SPATS2L: variants seen among roughly 807,000 people sequenced by gnomAD.
SPATS2L encodes SPATS2-like protein.
Under a neutral mutation model 59.6 loss-of-function variants are expected in SPATS2L, and 30 were observed. The ratio of observed to expected loss-of-function variants is 0.50; its 90% confidence interval spans 0.38 to 0.68. The LOEUF is 0.68. SPATS2L is among the 30% of genes least tolerant of loss of function. The pLI is 0.00. For synonymous variants in SPATS2L, 252 were observed against 263.5 expected, an observed-to-expected ratio of 0.96 and a Z score of 0.42; for missense variants, 615 against 700.0, an observed-to-expected ratio of 0.88 and a Z score of 1.37.
intron 1 of SPATS2L, among the ~76,000 whole-genome samples, chr2:200,326,557 GTA>G (rs754890804): frequency 1.3e-5 from 2 of 152,112 alleles, no homozygotes; most frequent in Non-Finnish European, 2.9e-5. Context: ...GTTTATGCAT[GTA>G]TTCCAACAAT....
At chr2:200,310,902 A>C (rs1452456700) in intron 1 of SPATS2L, among the ~76,000 whole-genome samples, 1 of 151,898 alleles carries the variant, frequency 6.6e-6, no homozygotes, top group Non-Finnish European at 1.5e-5. Context: ...TGATCATGTT[A>C]CTCTCATTGG....
At position 200,411,933 on chromosome 2, in the gene SPATS2L, A is replaced by G. The variant is rs527488624; in HGVS notation, c.40-378A>G. Among the ~76,000 whole-genome samples the G allele has an allele frequency of 3.9e-5, 6 of 152,040 alleles. No homozygotes were observed. In the South Asian group the frequency reaches 1.2e-3, roughly 32 times the overall value. ...CTATTTCTGTACATTTTCTAAAGAT[A>G]CCCCCTGAGCCAGTGGAAAGGAAGC... is the stretch of plus-strand genomic sequence containing the variant. On this transcript the variant is annotated intron_variant, in intron 3 of 12. Transcript: ENST00000409140.
intron 1 of SPATS2L, among the ~76,000 whole-genome samples, chr2:200,323,173 G>A (rs1473964442): frequency 6.6e-6 from 1 of 152,150 alleles, no homozygotes; most frequent in Admixed American, 6.5e-5. Flanking sequence ...GGATCTGCAG[G>A]TTGGATTTAC....
chr2:200,348,582 G>A (rs1385073072), intron 2 of SPATS2L, among the ~76,000 whole-genome samples: 2 of 152,182 alleles, frequency 1.3e-5, no homozygotes, highest in Non-Finnish European at 2.9e-5. Flanking sequence ...GGGCTAGGTG[G>A]AGGTGAGGCA....
intron 2 of SPATS2L, among the ~76,000 whole-genome samples, chr2:200,345,720 A>G (rs2080490549): frequency 6.6e-6 from 1 of 152,228 alleles, no homozygotes; most frequent in African/African-American, 2.4e-5. Context: ...AGTACACTCA[A>G]GCTAACCTAC....
At position 200,459,923 on chromosome 2, in the gene SPATS2L, C is replaced by A. The variant is rs1574660023; in HGVS notation, c.847+96C>A. ...AATGATACCGGCTTCTGAACAGGGT[C>A]CTAAAATTTATATTGAAATTTTGGC... On this transcript the variant is annotated intron_variant, in intron 9 of 12. Coordinates refer to ENST00000409140, the MANE Select transcript of SPATS2L (RefSeq NM_001100423.2). The A allele has an allele frequency of 3.3e-6, 3 of 922,406 alleles. No homozygotes were observed. In the East Asian group the frequency reaches 8.0e-5, roughly 24 times the overall value. 57.1% of individuals were successfully genotyped at this position (922,406 alleles called of 1,614,324 possible).
intron 1 of SPATS2L, among the ~76,000 whole-genome samples, chr2:200,311,204 T>C (rs1003985686): frequency 6.6e-6 from 1 of 152,206 alleles, no homozygotes; most frequent in Admixed American, 6.5e-5. Flanking sequence ...TCAATAAATA[T>C]TTGTTAACTT....
Position 200,439,240 on chromosome 2 carries a change from C to G in SPATS2L, c.564C>G (p.Ser188Arg). 1 of 1,613,722 alleles carries G rather than the reference C, an allele frequency of 6.2e-7. No individual in the cohort carries two copies. The highest frequency in any genetic ancestry group is 1.1e-5 in the South Asian group (1 of 91,078). Residue 188 changes from serine to arginine, a missense_variant, in exon 7 of 13, where the codon AGC becomes AGG. Around this residue, in one of 3 missense-constraint regions of SPATS2L, gnomAD observed 227 missense variants for 257.4 expected, o/e 0.88. Transcript: ENST00000409140. Reference protein sequence around the residue: ...QWSAEQPCNPSKPKAKTSPVK... With the variant: ...QWSAEQPCNPRKPKAKTSPVK... ...CAGCTGAGCAGCCTTGTAACCCAAGCAAGCCTAAGGCAAAAACATCTCCTG... is the reference window on the plus strand; with the variant it reads ...CAGCTGAGCAGCCTTGTAACCCAAGGAAGCCTAAGGCAAAAACATCTCCTG...
chr2:200,443,163 T>C (rs1482092160), intron 8 of SPATS2L, among the ~76,000 whole-genome samples: 1 of 152,212 alleles, frequency 6.6e-6, no homozygotes, highest in East Asian at 1.9e-4. Context: ...ACCTTGCCTC[T>C]GTTCCAAATG....
In SPATS2L at chr2:200,479,964, G is replaced by A. The variant is rs146973241; in HGVS notation, c.*1933G>A. 1 of 383,736 alleles carries A rather than the reference G, an allele frequency of 2.6e-6. No homozygotes were observed. Among genetic ancestry groups the A allele is most frequent in the East Asian group, 3.7e-5 (1 of 26,962 alleles). The allele number at this position is 383,736 out of a possible 1,614,324, so 23.8% of individuals were successfully genotyped here. The stretch of plus-strand genomic sequence containing the variant: ...GTTCGTTCAAATAAGAAAGATAAAT[G>A]TTCGGCACTGTAGGCCCTGTTTACC... On this transcript the variant is annotated 3_prime_UTR_variant, in exon 13 of 13. Transcript: ENST00000409140.
rs368299371 is a variant in SPATS2L at position 200,386,010 on chromosome 2, G to A, written c.-22-3213G>A. Among the ~76,000 whole-genome samples, 29 of 152,276 alleles carry A rather than the reference G, an allele frequency of 1.9e-4. No homozygotes were observed. The South Asian group carries it at 5.8e-3, about 30-fold the overall frequency. ...CCCGGCCAACTTACAATTCTTTAAG[G>A]CAAACCAAATTTATGGTCTGTTTAA... is the stretch of plus-strand genomic sequence containing the variant. On this transcript the variant is annotated intron_variant, in intron 2 of 12. Transcript: ENST00000409140.
In SPATS2L at chr2:200,452,941, G is replaced by A. The variant is rs375516370; in HGVS notation, c.789-6828G>A. ...TTTTTCAGTTTTGAAAAGAATTCAG[G>A]TTGTTATAAAACCTAAATGCAAATA... On this transcript the variant is annotated intron_variant, in intron 8 of 12. Coordinates refer to ENST00000409140, the MANE Select transcript of SPATS2L (RefSeq NM_001100423.2). 8.5e-5 allele frequency among the ~76,000 whole-genome samples: 13 copies of A among 152,122 alleles called. No individual in the cohort carries two copies. In the East Asian group the frequency reaches 1.7e-3, roughly 20 times the overall value.
chr2:200,407,100 C>G (rs975988105), intron 3 of SPATS2L, among the ~76,000 whole-genome samples: 4 of 151,808 alleles, frequency 2.6e-5, no homozygotes, highest in African/African-American at 9.7e-5. Context: ...TGCAAATGCT[C>G]CCACTTTTTT....
intron 1 of SPATS2L, among the ~76,000 whole-genome samples, chr2:200,312,368 A>T (rs1381873917): frequency 1.3e-5 from 2 of 152,186 alleles, no homozygotes; most frequent in Non-Finnish European, 2.9e-5. Context: ...GTGTAAACAC[A>T]CTGTTATATA....
chr2:200,417,534 G>A (rs1338980407), intron 5 of SPATS2L, among the ~76,000 whole-genome samples: 1 of 152,152 alleles, frequency 6.6e-6, no homozygotes, highest in Non-Finnish European at 1.5e-5. Context: ...GTGAAAAAAA[G>A]AGCAGACAGC....
chr2:200,344,298 C>G (rs186481914), intron 2 of SPATS2L, among the ~76,000 whole-genome samples: 8 of 152,286 alleles, frequency 5.3e-5, no homozygotes, highest in African/African-American at 1.7e-4. Flanking sequence ...TTAGCTCCCA[C>G]TTATAAGTGA....
intron 8 of SPATS2L, among the ~76,000 whole-genome samples, chr2:200,442,215 A>G (rs2084748336): frequency 6.6e-6 from 1 of 152,212 alleles, no homozygotes; most frequent in South Asian, 2.1e-4. Context: ...GAAATTAAAG[A>G]TGCTATACAA....
upstream of SPATS2L, chr2:200,306,617 G>A (rs1300414654): frequency 4.0e-6 from 4 of 995,602 alleles, no homozygotes; most frequent in Non-Finnish European, 4.8e-6. Flanking sequence ...TGACACCGAG[G>A]GGAAGGCGGG....
chr2:200,416,115 G>A (rs1362556549), intron 4 of SPATS2L, among the ~76,000 whole-genome samples: 3 of 151,746 alleles, frequency 2.0e-5, no homozygotes, highest in African/African-American at 2.4e-5. Flanking sequence ...TTCATTTTCC[G>A]TACGACAATA....
Sources: gnomAD v4.1 joint callset for allele counts (sites outside exome capture counted in the v4.1 genomes callset) on GRCh38, gnomAD v4.1.1 for gene constraint, gnomAD v4.1.1 regional missense constraint, MANE v1.5 for transcripts, NCBI Gene and HGNC (gene_info 2026-07-23, HGNC 2026-07-21) for gene names.